RBM33: variants seen among roughly 807,000 people sequenced by gnomAD.
RBM33 encodes the protein RNA-binding protein 33.
RBM33 carries 28 observed loss-of-function variants against 132.6 expected under a neutral mutation model. The ratio of observed to expected loss-of-function variants is 0.21; its 90% CI spans 0.16 to 0.29. The LOEUF (loss-of-function observed/expected upper bound fraction) is 0.29. Ranked by LOEUF, RBM33 falls within the 10% of genes least tolerant of loss-of-function variation. The probability of loss-of-function intolerance (pLI) is 1.00; values close to 1 mark genes in which losing one functional copy is unlikely to be tolerated. For synonymous variants in RBM33, 634 were observed against 593.0 expected (o/e 1.07, Z -1.01); for missense variants, 1,291 against 1,518.5 (o/e 0.85, Z 2.49).
chr7:155,646,115 T>C (rs1798182117), intron 1 of RBM33, among the ~76,000 whole-genome samples: 1 of 152,194 alleles, frequency 6.6e-6, no homozygotes. Context: ...CTGGGAACTC[T>C]TGGGTGAACA....
chr7:155,732,256 A>G (rs1367847043), intron 9 of RBM33, among the ~76,000 whole-genome samples: 2 of 152,254 alleles, frequency 1.3e-5, no homozygotes, highest in Non-Finnish European at 2.9e-5. Flanking sequence ...AAAATTGGCA[A>G]AATAATTGTA....
rs567495348 is a variant in RBM33, at chr7:155,698,816, C to G, written c.568-1957C>G. 7.6e-4 allele frequency among the ~76,000 whole-genome samples: 115 copies of G among 152,254 alleles called. 2 individuals are homozygous for G. The highest frequency in any genetic ancestry group is 1.8e-4 in the Non-Finnish European group (12 of 68,020). ...ACTTGTTTTACTCAGTATAATGATG[C>G]CTTTATGGTTTTATCCCTGTTATGT... On this transcript the variant is annotated intron_variant, in intron 5 of 17. Coordinates refer to ENST00000401878, the MANE Select transcript of RBM33 (RefSeq NM_053043.3).
At chr7:155,696,398 A>G (rs1362629645) in intron 5 of RBM33, among the ~76,000 whole-genome samples, 3 of 152,248 alleles carry the variant, frequency 2.0e-5, no homozygotes, top group Non-Finnish European at 4.4e-5. Context: ...TTCCTTTTCA[A>G]TCTATATCCA....
chr7:155,774,865 A>C lies in RBM33; in HGVS notation c.3465-128A>C. ...GTGTTTTAATAGATCTTCCCGGGGAATCTGCCTTTTTATATGATGCGTTTT... is the reference window on the plus strand; with the variant it reads ...GTGTTTTAATAGATCTTCCCGGGGACTCTGCCTTTTTATATGATGCGTTTT... On this transcript the variant is annotated intron_variant, in intron 17 of 17. Transcript: ENST00000401878. The surrounding 1 kb of genome is among the most constrained non-coding windows in gnomAD (Gnocchi z 4.2). The C allele has an allele frequency of 1.2e-6, 1 of 854,116 alleles. No homozygotes were observed. Among genetic ancestry groups the C allele is most frequent in the Non-Finnish European group, 1.9e-6 (1 of 528,050 alleles). The allele number at this position is 854,116 out of a possible 1,614,324, so 52.9% of individuals were successfully genotyped here.
chr7:155,737,243 C>CGTGT (rs1293808649), intron 9 of RBM33, among the ~76,000 whole-genome samples: 25 of 129,992 alleles, frequency 1.9e-4, no homozygotes, highest in Admixed American at 1.5e-3. Context: ...CATCTAGGTG[C>CGTGT]GCGTGTGTGT....
rs1275839775 is a variant in RBM33 at position 155,776,856 on chromosome 7, T to C, written c.*1815T>C. 1 of 152,298 alleles carries C rather than the reference T, an allele frequency of 6.6e-6. No individual in the cohort carries two copies. Among genetic ancestry groups the C allele is most frequent in the South Asian group, 2.1e-4 (1 of 4,834 alleles). 9.4% of individuals were successfully genotyped at this position (152,298 alleles called of 1,614,324 possible). ...CTGCCCACTCATTTCCACAGTTAGA[T>C]ACGGATGTGTTGATGTATTTCGTCT... is the stretch of plus-strand genomic sequence containing the variant. On this transcript the variant is annotated 3_prime_UTR_variant, in exon 18 of 18. Coordinates refer to ENST00000401878, the MANE Select transcript of RBM33 (RefSeq NM_053043.3). The surrounding 1 kb of genome is among the most constrained non-coding windows in gnomAD (Gnocchi z 4.0).
In RBM33 at chr7:155,739,842, C is replaced by T; in HGVS notation, c.1865C>T (p.Pro622Leu). 1 of 1,450,116 alleles carries T rather than the reference C, an allele frequency of 6.9e-7. No individual in the cohort carries two copies. The highest frequency in any genetic ancestry group is 9.4e-7 in the Non-Finnish European group (1 of 1,067,450). 89.8% of individuals were successfully genotyped at this position (1,450,116 alleles called of 1,614,324 possible). ...CAGCCCCCGCCCCAGCACCAGCCCC[C>T]ACCCCAGCACCCACCACAGCACCCG... ...PHQPPPQHQP[P>L]PQHPPQHPPQ... Residue 622 changes from proline (P) to leucine (L), a missense_variant, in exon 12 of 18, where the codon CCA becomes CTA. By Grantham distance (98) the Pro-to-Leu change is moderately conservative. Coordinates refer to ENST00000401878, the MANE Select transcript of RBM33 (RefSeq NM_053043.3).
rs960617586 is a variant in RBM33 at position 155,779,244 on chromosome 7, G to C, written c.*4203G>C. ...GAGTGGGAGGGAGGGGGGTGGGCGA[G>C]AGAAAGCTCGAAAGGTATTATTGGT... On this transcript the variant is annotated 3_prime_UTR_variant, in exon 18 of 18. Coordinates refer to ENST00000401878, the MANE Select transcript of RBM33 (RefSeq NM_053043.3). 11 of 150,284 alleles carry C rather than the reference G, an allele frequency of 7.3e-5. No homozygotes were observed. Among genetic ancestry groups the C allele is most frequent in the African/African-American group, 2.5e-4 (10 of 40,654 alleles). 9.3% of individuals were successfully genotyped at this position (150,284 alleles called of 1,614,324 possible).
intron 9 of RBM33, among the ~76,000 whole-genome samples, chr7:155,724,688 T>A (rs1800729314): frequency 6.6e-6 from 1 of 152,298 alleles, no homozygotes; most frequent in Admixed American, 6.5e-5. Context: ...CTGCCCCTTG[T>A]GGTTAGCCCC....
intron 13 of RBM33, 121 bp downstream of exon 13, chr7:155,742,227 G>GTT (rs1180090769): frequency 6.7e-6 from 6 of 890,438 alleles, no homozygotes; most frequent in African/African-American, 6.0e-5. Context: ...TTTCACCTGG[G>GTT]TCTTTTTTTT....
intron 14 of RBM33, among the ~76,000 whole-genome samples, chr7:155,753,623 G>A (rs1801754364): frequency 6.6e-6 from 1 of 152,250 alleles, no homozygotes; most frequent in South Asian, 2.1e-4. Flanking sequence ...ACTTGCCCAT[G>A]AGAAGGGCAG....
At chr7:155,716,787 T>C (rs2116987514) in intron 8 of RBM33, among the ~76,000 whole-genome samples, 1 of 151,944 alleles carries the variant, frequency 6.6e-6, no homozygotes, top group East Asian at 1.9e-4. Flanking sequence ...GATTCTATTT[T>C]ATATAAAGTC....
At chr7:155,770,103 A>C (rs1802368057) in intron 16 of RBM33, among the ~76,000 whole-genome samples, 2 of 152,238 alleles carry the variant, frequency 1.3e-5, no homozygotes, top group South Asian at 4.1e-4. Context: ...AACCAGAGCA[A>C]AAGGAGCAAC....
At chr7:155,685,866 C>T (rs181183370) in intron 5 of RBM33, among the ~76,000 whole-genome samples, 1 of 152,132 alleles carries the variant, frequency 6.6e-6, no homozygotes, top group African/African-American at 2.4e-5. Flanking sequence ...TGGCTTAGGC[C>T]ATTTACTTTA....
chr7:155,668,114 A>G (rs1430502173), intron 2 of RBM33, among the ~76,000 whole-genome samples: 1 of 151,350 alleles, frequency 6.6e-6, no homozygotes, highest in African/African-American at 2.4e-5. Flanking sequence ...ATTGTCTCTT[A>G]TATTTGTGTG....
At chr7:155,710,647 C>T (rs1190233178) in intron 7 of RBM33, among the ~76,000 whole-genome samples, 1 of 152,146 alleles carries the variant, frequency 6.6e-6, no homozygotes, top group African/African-American at 2.4e-5. Context: ...CTGCCTTGCA[C>T]CTCTCTCTTC....
Position 155,738,211 on chromosome 7 carries a change from G to T in RBM33, c.1545G>T (p.Gln515His), listed in dbSNP as rs1322517985. ...PFTQPGPAFNQQGQQPVFPRE... is the reference protein window; with the variant it reads ...PFTQPGPAFNHQGQQPVFPRE... ...CTCAGCCAGGACCAGCATTTAATCA[G>T]CAAGGACAGCAGCCAGTGTTCCCAA... Residue 515 changes from glutamine (Q) to histidine (H), a missense_variant, in exon 11 of 18, where the codon CAG (glutamine) becomes CAT (histidine). Gln to His is a conservative substitution (Grantham distance 24). Transcript: ENST00000401878. 27 of 1,613,846 alleles carry T rather than the reference G, an allele frequency of 1.7e-5. No individual in the cohort carries two copies. The highest frequency in any genetic ancestry group is 2.3e-5 in the Non-Finnish European group (27 of 1,179,902).
chr7:155,688,358 A>C (rs916184641), intron 5 of RBM33, among the ~76,000 whole-genome samples: 4 of 152,210 alleles, frequency 2.6e-5, no homozygotes, highest in Non-Finnish European at 5.9e-5. Flanking sequence ...GTTGCTTATC[A>C]GCTTAAGGAG....
chr7:155,732,515 ACG>A (rs1463707263), intron 9 of RBM33, among the ~76,000 whole-genome samples: 5 of 152,228 alleles, frequency 3.3e-5, no homozygotes, highest in African/African-American at 1.2e-4. Context: ...GTTGGGGCTG[ACG>A]GCTTGTCAGC....
Sources: allele counts gnomAD v4.1 joint callset (sites outside exome capture counted in the v4.1 genomes callset), GRCh38; gene constraint gnomAD v4.1.1; non-coding constraint Gnocchi (gnomAD v3.1); transcripts MANE v1.5; gene names NCBI Gene and HGNC (gene_info 2026-07-23, HGNC 2026-07-21).